Variants in SNAP23 observed in about 807,000 individuals in gnomAD.
SNAP23 encodes synaptosomal-associated protein 23.
In SNAP23, 11 loss-of-function variants were observed where a neutral mutation model predicts 29.0. The ratio of observed to expected loss-of-function variants is 0.38; its 90% CI spans 0.24 to 0.63. The LOEUF (loss-of-function observed/expected upper bound fraction) is 0.63. SNAP23 is among the 20% of genes least tolerant of loss of function. SNAP23 has a pLI of 0.58. For missense variants in SNAP23, 220 were observed against 253.9 expected, an observed-to-expected ratio of 0.87 and a Z score of 0.91; for synonymous variants, 60 against 82.9, an observed-to-expected ratio of 0.72 and a Z score of 1.50.
intron 1 of SNAP23, among the ~76,000 whole-genome samples, chr15:42,499,358 C>T (rs1350236293): frequency 6.6e-6 from 1 of 152,178 alleles, no homozygotes; most frequent in African/African-American, 2.4e-5. Context: ...AGGCGTGAGC[C>T]ACCGCGCCCG....
At chr15:42,529,864 G>C in intron 7 of SNAP23, 45 bp downstream of exon 7, 1 of 1,597,908 alleles carries the variant, frequency 6.3e-7, no homozygotes, top group Non-Finnish European at 8.5e-7. Flanking sequence ...ACCCAGTTCA[G>C]TGTTTCAGTA....
At chr15:42,520,978 C>T (rs966854746) in intron 5 of SNAP23, among the ~76,000 whole-genome samples, 3 of 152,108 alleles carry the variant, frequency 2.0e-5, no homozygotes, top group East Asian at 1.9e-4. Context: ...AATTCAGCTC[C>T]GACTAATTAA....
chr15:42,515,474 T>G (rs2141531269), intron 5 of SNAP23, 120 bp downstream of exon 5: 1 of 637,148 alleles, frequency 1.6e-6, no homozygotes, highest in Non-Finnish European at 2.7e-6. Context: ...TAAATCTAAG[T>G]TGTCTCTCCT....
intron 5 of SNAP23, among the ~76,000 whole-genome samples, chr15:42,519,280 C>A (rs896930214): frequency 6.6e-6 from 1 of 151,936 alleles, no homozygotes; most frequent in Non-Finnish European, 1.5e-5. Flanking sequence ...GTCTTGAACT[C>A]CTGACCTCAG....
At chr15:42,510,377 C>G (rs2057350675) in intron 1 of SNAP23, among the ~76,000 whole-genome samples, 1 of 152,114 alleles carries the variant, frequency 6.6e-6, no homozygotes, top group South Asian at 2.1e-4. Flanking sequence ...CTCAAGCCAT[C>G]CACTCACCTC....
intron 5 of SNAP23, among the ~76,000 whole-genome samples, chr15:42,519,570 A>C (rs1343487931): frequency 6.6e-6 from 1 of 151,398 alleles, no homozygotes; most frequent in Admixed American, 6.6e-5. Context: ...GGGTTTTGCC[A>C]TGTTGGCCAG....
At chr15:42,502,026 C>CTTT (rs767749240) in intron 1 of SNAP23, among the ~76,000 whole-genome samples, 13 of 132,500 alleles carry the variant, frequency 9.8e-5, no homozygotes, top group Middle Eastern at 3.7e-3. Flanking sequence ...TATATTCTCT[C>CTTT]TTTTTTTTTT....
chr15:42,519,030 T>C (rs2057421344), intron 5 of SNAP23, among the ~76,000 whole-genome samples: 1 of 150,678 alleles, frequency 6.6e-6, no homozygotes, highest in Non-Finnish European at 1.5e-5. Context: ...GCCTGGTTTG[T>C]TTTTAAAAAC....
intron 5 of SNAP23, 33 bp from the exon 6 acceptor site, chr15:42,528,229 T>C: frequency 6.3e-7 from 1 of 1,591,632 alleles, no homozygotes; most frequent in Non-Finnish European, 8.6e-7. Flanking sequence ...TTCTTTTTTT[T>C]GGTATCTCCC....
Position 42,530,563 on chromosome 15 carries a change from C to T in SNAP23, c.570+744C>T, listed in dbSNP as rs541730136. Among the ~76,000 whole-genome samples the T allele has an allele frequency of 2.0e-5, 3 of 152,046 alleles. 1 individual carries two copies. Among genetic ancestry groups the T allele is most frequent in the Admixed American group, 2.0e-4 (3 of 15,266 alleles). The stretch of plus-strand genomic sequence containing the variant: ...TTGCTTGAGCTCAGGAGTTTGAGAC[C>T]AGAGCAAGACCTCGACTCTACTAAA... On this transcript the variant is annotated intron_variant, in intron 7 of 7. Coordinates refer to ENST00000249647, the MANE Select transcript of SNAP23 (RefSeq NM_003825.4).
chr15:42,530,463 G>A (rs1367943379), intron 7 of SNAP23, among the ~76,000 whole-genome samples: 1 of 152,142 alleles, frequency 6.6e-6, no homozygotes, highest in Non-Finnish European at 1.5e-5. Context: ...TGTGTCACAT[G>A]TAAAGTCATA....
intron 1 of SNAP23, among the ~76,000 whole-genome samples, chr15:42,508,536 G>GC (rs2057333591): frequency 2.0e-5 from 3 of 152,236 alleles, no homozygotes; most frequent in East Asian, 3.9e-4. Flanking sequence ...CGTGTTGTCT[G>GC]GTCAGGGAAG....
At chr15:42,519,763 A>G (rs982138721) in intron 5 of SNAP23, among the ~76,000 whole-genome samples, 1 of 152,130 alleles carries the variant, frequency 6.6e-6, no homozygotes, top group African/African-American at 2.4e-5. Flanking sequence ...TTGGCCTCCC[A>G]AAGTGCTGGT....
chr15:42,492,071 C>T (rs764081686), upstream of SNAP23, among the ~76,000 whole-genome samples: 5 of 151,696 alleles, frequency 3.3e-5, no homozygotes, highest in Non-Finnish European at 4.4e-5. Context: ...CTACCACGCC[C>T]AACTAATTTT....
chr15:42,511,720 C>G (rs943564880), intron 1 of SNAP23, 113 bp from the exon 2 acceptor site: 4 of 501,166 alleles, frequency 8.0e-6, no homozygotes, highest in Non-Finnish European at 1.1e-5. Flanking sequence ...TTCTTTTATC[C>G]TGTTTTCCTG....
At chr15:42,500,438 G>T (rs2057259737) in intron 1 of SNAP23, among the ~76,000 whole-genome samples, 1 of 150,360 alleles carries the variant, frequency 6.7e-6, no homozygotes, top group African/African-American at 2.5e-5. Flanking sequence ...GCCCAAGCTG[G>T]AGTGCAATGG....
chr15:42,497,084 C>G (rs1411713232), intron 1 of SNAP23, among the ~76,000 whole-genome samples: 1 of 150,976 alleles, frequency 6.6e-6, no homozygotes, highest in African/African-American at 2.4e-5. Flanking sequence ...ACTCTGTCAC[C>G]CAGGCTGGAG....
chr15:42,519,348 C>G (rs2057424416), intron 5 of SNAP23, among the ~76,000 whole-genome samples: 2 of 151,052 alleles, frequency 1.3e-5, no homozygotes. Context: ...AGCCACCATG[C>G]CTGACCCTGT....
Position 42,529,711 on chromosome 15 carries a change from G to C in SNAP23, c.462G>C (p.Glu154Asp), listed in dbSNP as rs773623873. 1.2e-6 allele frequency: 2 copies of C among 1,614,098 alleles called. No individual in the cohort carries two copies. The highest frequency in any genetic ancestry group is 1.7e-6 in the Non-Finnish European group (2 of 1,179,988). ...TNDAREDEME[E>D]NLTQVGSILG... ...ATGCCAGAGAAGATGAAATGGAAGAGAACCTGACTCAAGTGGGCAGTATCC... is the reference window on the plus strand; with the variant it reads ...ATGCCAGAGAAGATGAAATGGAAGACAACCTGACTCAAGTGGGCAGTATCC... The change falls in exon 7 of 8, where the codon GAG (glutamate) becomes GAC (aspartate). Residue 154 changes from glutamate to aspartate, a missense_variant. Coordinates refer to ENST00000249647, the MANE Select transcript of SNAP23 (RefSeq NM_003825.4).
Sources: allele counts gnomAD v4.1 joint callset (sites outside exome capture counted in the v4.1 genomes callset), GRCh38; gene constraint gnomAD v4.1.1; transcripts MANE v1.5; gene names NCBI Gene and HGNC (gene_info 2026-07-23, HGNC 2026-07-21).